The following FRAS1 variants were observed in gnomAD, a reference collection of about 807,000 sequenced individuals.
FRAS1 encodes extracellular matrix organizing protein FRAS1.
In FRAS1, 290 loss-of-function variants were observed where a neutral mutation model predicts 435.2. That is an observed-to-expected ratio of 0.67 (90% CI 0.61 to 0.73). The LOEUF (loss-of-function observed/expected upper bound fraction) is 0.73, where lower values mean the gene tolerates loss of function less well. FRAS1 is among the 30% of genes least tolerant of loss of function. The probability of loss-of-function intolerance (pLI) is 0.00; values close to 1 mark genes in which losing one functional copy is unlikely to be tolerated. For synonymous variants in FRAS1, 1,800 were observed against 1,851.0 expected (o/e 0.97, Z 0.71); for missense variants, 4,860 against 5,001.5 (o/e 0.97, Z 0.85).
At chr4:78,246,806 T>A (rs1725269486) in intron 4 of FRAS1, among the ~76,000 whole-genome samples, 1 of 152,118 alleles carries the variant, frequency 6.6e-6, no homozygotes, top group African/African-American at 2.4e-5. Flanking sequence ...GAGATCAGAA[T>A]TCAGTAAATC....
At chr4:78,300,828 A>G (rs1407585140) in intron 14 of FRAS1, among the ~76,000 whole-genome samples, 3 of 151,928 alleles carry the variant, frequency 2.0e-5, no homozygotes, top group African/African-American at 4.8e-5. Flanking sequence ...TTCCCCAAAT[A>G]CACGTACCCC....
intron 2 of FRAS1, among the ~76,000 whole-genome samples, chr4:78,219,953 G>T (rs1386216933): frequency 6.6e-6 from 1 of 152,194 alleles, no homozygotes; most frequent in Non-Finnish European, 1.5e-5. Context: ...CAGAGGAGAT[G>T]ACAGTCTTGC....
At chr4:78,170,351 A>G (rs1721501702) in intron 2 of FRAS1, among the ~76,000 whole-genome samples, 1 of 152,196 alleles carries the variant, frequency 6.6e-6, no homozygotes, top group Non-Finnish European at 1.5e-5. Flanking sequence ...AATGTATGAA[A>G]GGTTAGCCAA....
intron 42 of FRAS1, chr4:78,446,505 CTT>C (rs1485094111): frequency 4.5e-6 from 6 of 1,330,382 alleles, no homozygotes; most frequent in Admixed American, 7.8e-5. Context: ...TCTGAGAAAA[CTT>C]TTATGAAATG....
At chr4:78,484,335 G>T (rs77037649) in intron 58 of FRAS1, among the ~76,000 whole-genome samples, 4 of 152,070 alleles carry the variant, frequency 2.6e-5, no homozygotes, top group Non-Finnish European at 4.4e-5. Context: ...TTTAAATTGC[G>T]TTGTTTTCCT....
At chr4:78,409,854 C>A (rs1733264458) in intron 31 of FRAS1, among the ~76,000 whole-genome samples, 1 of 152,172 alleles carries the variant, frequency 6.6e-6, no homozygotes, top group Admixed American at 6.5e-5. Context: ...AAATGATCAT[C>A]CATTCTGCTT....
chr4:78,161,842 C>T (rs1213701982), intron 2 of FRAS1, among the ~76,000 whole-genome samples: 1 of 151,258 alleles, frequency 6.6e-6, no homozygotes, highest in African/African-American at 2.4e-5. Flanking sequence ...GTGCCTTATG[C>T]CTTCATCTGC....
intron 2 of FRAS1, among the ~76,000 whole-genome samples, chr4:78,070,255 GTATATA>G (rs34910696): frequency 0.12 from 17,306 of 148,542 alleles, 1,078 homozygotes; most frequent in Middle Eastern, 0.18. Flanking sequence ...GTATATAAGT[GTATATA>G]TATATATATA....
intron 5 of FRAS1, among the ~76,000 whole-genome samples, chr4:78,254,557 G>C (rs1381153766): frequency 6.6e-6 from 1 of 152,082 alleles, no homozygotes; most frequent in African/African-American, 2.4e-5. Context: ...AGTTGGGGGT[G>C]GTGTGGGGAG....
chr4:78,417,564 C>T (rs990313633), intron 32 of FRAS1, among the ~76,000 whole-genome samples: 4 of 152,256 alleles, frequency 2.6e-5, no homozygotes, highest in Admixed American at 6.5e-5. Context: ...AGCTGCTATT[C>T]GCAATTCTAA....
At chr4:78,086,702 T>C (rs544800126) in intron 2 of FRAS1, among the ~76,000 whole-genome samples, 35 of 152,194 alleles carry the variant, frequency 2.3e-4, no homozygotes, top group African/African-American at 7.5e-4. Flanking sequence ...CCTGGACACA[T>C]ACACCCTCCC....
intron 2 of FRAS1, among the ~76,000 whole-genome samples, chr4:78,223,806 A>G (rs918425657): frequency 2.6e-5 from 4 of 152,144 alleles, no homozygotes; most frequent in Admixed American, 6.5e-5. Context: ...TACATTTAAT[A>G]TTATATTTCC....
In FRAS1 at chr4:78,167,135, T is replaced by A. The variant is rs112698797; in HGVS notation, c.109-70375T>A. Among the ~76,000 whole-genome samples the A allele has an allele frequency of 6.6e-5, 10 of 152,282 alleles. 1 individual carries two copies. The highest frequency in any genetic ancestry group is 2.4e-4 in the African/African-American group (10 of 41,556). On this transcript the variant is annotated intron_variant, in intron 2 of 73. Transcript: ENST00000512123. ...TATACATTGGCTTGAAAAATCAAGG[T>A]AGGAGAGCACAATTAAAGAGTTTCC...
intron 3 of FRAS1, among the ~76,000 whole-genome samples, chr4:78,243,697 T>TAC (rs58029733): frequency 0.016 from 2,503 of 151,886 alleles, 43 homozygotes; most frequent in African/African-American, 0.043. Flanking sequence ...TACACATATA[T>TAC]ACACACACAC....
At chr4:78,296,835 C>A (rs762288354) in intron 14 of FRAS1, among the ~76,000 whole-genome samples, 4 of 152,190 alleles carry the variant, frequency 2.6e-5, no homozygotes, top group Non-Finnish European at 5.9e-5. Flanking sequence ...AGACAAACTG[C>A]AGCTCTCCCC....
At chr4:78,318,715 T>A in intron 17 of FRAS1, 95 bp from the exon 18 acceptor site, 1 of 1,178,704 alleles carries the variant, frequency 8.5e-7, no homozygotes. Context: ...AAGGCTGCAT[T>A]TGGTGAACTT....
chr4:78,437,811 T>C (rs950826371), intron 38 of FRAS1, among the ~76,000 whole-genome samples: 1 of 152,196 alleles, frequency 6.6e-6, no homozygotes, highest in African/African-American at 2.4e-5. Context: ...TATAAGAAGA[T>C]GTTGCCTGCC....
intron 2 of FRAS1, chr4:78,068,725 A>G (rs767294742): frequency 2.4e-5 from 9 of 381,038 alleles, no homozygotes; most frequent in Non-Finnish European, 4.6e-5. Flanking sequence ...AATTAAGTGT[A>G]GGAAAAACAG....
At chr4:78,384,219 G>A in intron 28 of FRAS1, 76 bp downstream of exon 28, 1 of 1,055,060 alleles carries the variant, frequency 9.5e-7, no homozygotes, top group South Asian at 1.6e-5. Flanking sequence ...GTTTCCTGTG[G>A]ATTTAATGAA....
Sources: allele counts gnomAD v4.1 joint callset (sites outside exome capture counted in the v4.1 genomes callset), GRCh38; gene constraint gnomAD v4.1.1; transcripts MANE v1.5; gene names NCBI Gene and HGNC (gene_info 2026-07-23, HGNC 2026-07-21).